ESR1: variants seen among roughly 807,000 people sequenced by gnomAD.
The protein encoded by ESR1 is estrogen receptor 1.
In ESR1, 12 loss-of-function variants were observed where a neutral mutation model predicts 52.7. The observed-to-expected ratio is 0.23, with a 90% CI of 0.15 to 0.37. The LOEUF (loss-of-function observed/expected upper bound fraction) is 0.37, where lower values mean the gene tolerates loss of function less well. Ranked by LOEUF, ESR1 falls within the 10% of genes least tolerant of loss-of-function variation. The probability of loss-of-function intolerance (pLI) is 1.00; values close to 1 mark genes in which losing one functional copy is unlikely to be tolerated. For missense variants in ESR1, 584 were observed against 779.7 expected, an observed-to-expected ratio of 0.75 and a Z score of 2.99; for synonymous variants, 305 against 316.8, an observed-to-expected ratio of 0.96 and a Z score of 0.39.
At chr6:152,018,055 G>A (rs570966466) in intron 5 of ESR1, among the ~76,000 whole-genome samples, 55 of 152,226 alleles carry the variant, frequency 3.6e-4, no homozygotes, top group Non-Finnish European at 7.1e-4. Flanking sequence ...TCCTGCATCA[G>A]GAGGCTCTGC....
At chr6:151,992,135 T>C (rs1025286372) in intron 4 of ESR1, among the ~76,000 whole-genome samples, 3 of 152,222 alleles carry the variant, frequency 2.0e-5, no homozygotes, top group Non-Finnish European at 4.4e-5. Flanking sequence ...TTTCTTGTTA[T>C]GCCCTAAAAA....
intron 2 of ESR1, among the ~76,000 whole-genome samples, chr6:151,872,127 T>C (rs772163179): frequency 2.0e-5 from 3 of 152,236 alleles, no homozygotes; most frequent in Non-Finnish European, 4.4e-5. Flanking sequence ...GTGGAATTGC[T>C]TTCCACTTGT....
chr6:151,934,835 A>C (rs1392533073), intron 3 of ESR1, among the ~76,000 whole-genome samples: 1 of 152,242 alleles, frequency 6.6e-6, no homozygotes, highest in African/African-American at 2.4e-5. Context: ...TCCAGCAATT[A>C]CAGAATCATG....
intron 5 of ESR1, among the ~76,000 whole-genome samples, chr6:152,021,840 TA>T (rs2043682330): frequency 6.6e-6 from 1 of 152,194 alleles, no homozygotes; most frequent in African/African-American, 2.4e-5. Context: ...GATGGTTTTA[TA>T]AGGGGTTTTC....
chr6:151,935,879 T>C (rs2034293188), intron 3 of ESR1, among the ~76,000 whole-genome samples: 1 of 152,204 alleles, frequency 6.6e-6, no homozygotes, highest in Non-Finnish European at 1.5e-5. Context: ...TCTGAACTTC[T>C]AGAAGATTCT....
chr6:151,840,282 C>G (rs1784086746), intron 1 of ESR1, among the ~76,000 whole-genome samples: 1 of 152,072 alleles, frequency 6.6e-6, no homozygotes, highest in African/African-American at 2.4e-5. Flanking sequence ...TATTAGTAAA[C>G]AAGCAATAAA....
chr6:151,868,496 T>A lies in ESR1; in HGVS notation c.644-12159T>A, dbSNP rs149241740. ...ACTTCTAGTTATCACCAGTGTCTAT[T>A]GTTTCTGTCTTTATGTTCATGTGTA... On this transcript the variant is annotated intron_variant, in intron 2 of 7. Transcript: ENST00000206249. 1.4e-4 allele frequency among the ~76,000 whole-genome samples: 21 copies of A among 152,266 alleles called. No homozygotes were observed. In the East Asian group the frequency reaches 4.1e-3, roughly 29 times the overall value.
At chr6:151,740,542 A>C (rs1251698918) in intron 2 of ESR1, among the ~76,000 whole-genome samples, 20 of 151,940 alleles carry the variant, frequency 1.3e-4, no homozygotes, top group Non-Finnish European at 1.5e-5. Context: ...CTCTTACCTC[A>C]GCATTTTTTC....
intron 3 of ESR1, among the ~76,000 whole-genome samples, chr6:151,884,148 T>C (rs962086213): frequency 3.3e-5 from 5 of 152,250 alleles, no homozygotes; most frequent in Admixed American, 1.3e-4. Flanking sequence ...AATGAAGCTT[T>C]AAATTCATAA....
At chr6:151,845,794 CAG>C (rs927543710) in intron 2 of ESR1, among the ~76,000 whole-genome samples, 16 of 152,082 alleles carry the variant, frequency 1.1e-4, no homozygotes, top group Non-Finnish European at 1.8e-4. Context: ...AGAAAGAAGG[CAG>C]AGTTATTAAC....
chr6:151,888,679 G>T (rs1315594687), intron 3 of ESR1, among the ~76,000 whole-genome samples: 2 of 151,710 alleles, frequency 1.3e-5, no homozygotes, highest in African/African-American at 2.4e-5. Context: ...TTGCATAATT[G>T]CTCTGGCAGG....
intron 6 of ESR1, among the ~76,000 whole-genome samples, chr6:152,083,369 A>T (rs1365684668): frequency 1.3e-5 from 2 of 152,358 alleles, no homozygotes; most frequent in Admixed American, 1.3e-4. Flanking sequence ...TGGGGAAAGG[A>T]TTCCCTATTT....
At chr6:152,084,979 G>A (rs760262454) in intron 6 of ESR1, among the ~76,000 whole-genome samples, 3 of 152,182 alleles carry the variant, frequency 2.0e-5, no homozygotes, top group Non-Finnish European at 1.5e-5. Context: ...AGCCCTTACC[G>A]CTGACTGCAT....
intron 1 of ESR1, among the ~76,000 whole-genome samples, chr6:151,658,719 T>C (rs988214738): frequency 6.6e-6 from 1 of 152,186 alleles, no homozygotes; most frequent in African/African-American, 2.4e-5. Flanking sequence ...TTCTATATTC[T>C]GGGCACTGTT....
chr6:151,916,752 A>T (rs947369954), intron 3 of ESR1, among the ~76,000 whole-genome samples: 13 of 152,200 alleles, frequency 8.5e-5, no homozygotes, highest in Non-Finnish European at 7.3e-5. Context: ...GATAAGACAT[A>T]AGTTTGTCAT....
chr6:151,657,797 C>T (rs1777506138), intron 1 of ESR1, among the ~76,000 whole-genome samples: 1 of 152,026 alleles, frequency 6.6e-6, no homozygotes, highest in Non-Finnish European at 1.5e-5. Context: ...GGTTGAACCA[C>T]ATGAAATTTT....
rs1473173686 is a variant in ESR1, at chr6:151,899,640, C to T, written c.760+18869C>T. Among the ~76,000 whole-genome samples the T allele has an allele frequency of 5.2e-4, 79 of 151,128 alleles. No homozygotes were observed. In the East Asian group the frequency reaches 6.7e-3, roughly 13 times the overall value. ...GCGGAGACGCTCCTCACTTCCCAGA[C>T]GGGGTGGCTGCCGGGCTGAGGGGCT... On this transcript the variant is annotated intron_variant, in intron 3 of 7. Coordinates refer to ENST00000206249, the MANE Select transcript of ESR1 (RefSeq NM_000125.4).
intron 3 of ESR1, among the ~76,000 whole-genome samples, chr6:151,935,719 T>C (rs2034277299): frequency 6.6e-6 from 1 of 152,246 alleles, no homozygotes; most frequent in African/African-American, 2.4e-5. Context: ...CACCAATTAG[T>C]TAATTCATTA....
chr6:151,987,196 C>G (rs111773604), intron 4 of ESR1, among the ~76,000 whole-genome samples: 1,780 of 152,214 alleles, frequency 0.012, 47 homozygotes, highest in African/African-American at 0.041. Flanking sequence ...GATGCTCCAT[C>G]TCCTCCTACT....
Sources: gnomAD v4.1 joint callset for allele counts (sites outside exome capture counted in the v4.1 genomes callset) on GRCh38, gnomAD v4.1.1 for gene constraint, MANE v1.5 for transcripts, NCBI Gene and HGNC (gene_info 2026-07-23, HGNC 2026-07-21) for gene names.